NMNAT3: variants seen among roughly 807,000 people sequenced by gnomAD.
The protein encoded by NMNAT3 is nicotinamide nucleotide adenylyltransferase 3, also known as nicotinamide/nicotinic acid mononucleotide adenylyltransferase 3.
In NMNAT3, 21 loss-of-function variants were observed where a neutral mutation model predicts 24.8. The observed-to-expected ratio is 0.85, with a 90% confidence interval of 0.60 to 1.22. The LOEUF (loss-of-function observed/expected upper bound fraction) is 1.22, where lower values mean the gene tolerates loss of function less well. Among genes scored for constraint, NMNAT3 ranks in the 50% most tolerant of loss-of-function variants. The pLI is 0.00. For synonymous variants in NMNAT3, 136 were observed against 155.2 expected (o/e 0.88, Z 0.92); for missense variants, 387 against 436.6 (o/e 0.89, Z 1.01).
intron 1 of NMNAT3, among the ~76,000 whole-genome samples, chr3:139,645,208 GA>G (rs1234724655): frequency 6.6e-6 from 1 of 151,546 alleles, no homozygotes; most frequent in East Asian, 1.9e-4. Flanking sequence ...TCTCAAAAAA[GA>G]AAAAAAGAAA....
chr3:139,657,985 C>T (rs191933600), intron 1 of NMNAT3, among the ~76,000 whole-genome samples: 11 of 152,128 alleles, frequency 7.2e-5, no homozygotes, highest in South Asian at 2.1e-4. Flanking sequence ...GCCCAATCCC[C>T]AAAATGGTAA....
At position 139,575,947 on chromosome 3, in the gene NMNAT3, G is replaced by A; in HGVS notation, c.576-2267C>T. On this transcript the variant is annotated intron_variant, in intron 5 of 6. Coordinates refer to ENST00000643695, the MANE Select transcript of NMNAT3 (RefSeq NM_001320510.2). The stretch of plus-strand genomic sequence containing the variant: ...CAGATGGGAGCTCCACGTCCTATTT[G>A]TGTGTGACCGTGATTAACGTAGCCT... The A allele has an allele frequency of 3.9e-6, 5 of 1,288,852 alleles. No homozygotes were observed. The South Asian group carries it at 4.9e-5, about 13-fold the overall frequency. 79.8% of individuals were successfully genotyped at this position (1,288,852 alleles called of 1,614,324 possible).
At position 139,583,038 on chromosome 3, in the gene NMNAT3, A is replaced by C; in HGVS notation, c.280T>G (p.Phe94Val). 2 of 1,607,824 alleles carry C rather than the reference A, an allele frequency of 1.2e-6. No individual in the cohort carries two copies. Among genetic ancestry groups the C allele is most frequent in the Non-Finnish European group, 1.7e-6 (2 of 1,176,712 alleles). Residue 94 changes from phenylalanine (F) to valine (V), a missense_variant, in exon 4 of 7, where the codon TTC becomes GTC. Phe to Val is a conservative substitution (Grantham distance 50). Around this residue, in one of 3 missense-constraint regions of NMNAT3, gnomAD observed 323 missense variants for 345.2 expected, o/e 0.94. Transcript: ENST00000643695. The stretch of plus-strand genomic sequence containing the variant: ...CACTTGCTGTCATTCAAATCACAGA[A>C]CGCTTGTTCTTCAGTTCTTTTGCGT...
intron 6 of NMNAT3, chr3:139,568,531 G>A (rs1315394215): frequency 6.6e-6 from 1 of 152,116 alleles, no homozygotes; most frequent in East Asian, 1.9e-4. Flanking sequence ...CAGAGATTCT[G>A]GTATGTTGTG....
At chr3:139,646,757 A>T (rs551385418) in intron 1 of NMNAT3, among the ~76,000 whole-genome samples, 2 of 152,332 alleles carry the variant, frequency 1.3e-5, no homozygotes, top group South Asian at 2.1e-4. Flanking sequence ...TGGGAAATGG[A>T]GGTATTAGAC....
At chr3:139,592,099 C>A (rs1382190886) in intron 3 of NMNAT3, among the ~76,000 whole-genome samples, 9 of 152,190 alleles carry the variant, frequency 5.9e-5, no homozygotes, top group East Asian at 1.9e-4. Context: ...TATAACTAGA[C>A]TAACCAATAC....
intron 3 of NMNAT3, among the ~76,000 whole-genome samples, chr3:139,595,580 C>T (rs976743817): frequency 2.6e-5 from 4 of 152,174 alleles, no homozygotes; most frequent in African/African-American, 7.2e-5. Flanking sequence ...GCTACAGTAA[C>T]CAAAACAGCA....
At chr3:139,596,604 T>C (rs943057203) in intron 3 of NMNAT3, among the ~76,000 whole-genome samples, 5 of 152,104 alleles carry the variant, frequency 3.3e-5, no homozygotes, top group African/African-American at 1.2e-4. Flanking sequence ...CAATTACCTT[T>C]TGATATCTCT....
At chr3:139,669,476 CAGAA>C (rs2057689727) in intron 1 of NMNAT3, among the ~76,000 whole-genome samples, 1 of 34,466 alleles carries the variant, frequency 2.9e-5, no homozygotes. Flanking sequence ...GACCCTGTCT[CAGAA>C]AAAAAAAAAA....
chr3:139,605,216 C>T (rs2054890335), intron 3 of NMNAT3, among the ~76,000 whole-genome samples: 5 of 152,194 alleles, frequency 3.3e-5, no homozygotes, highest in Admixed American at 3.3e-4. Flanking sequence ...AGTCCTTCCT[C>T]CTCATCCTTA....
At chr3:139,611,907 CCTGTAATCCCAG>C (rs1263928617) in intron 3 of NMNAT3, among the ~76,000 whole-genome samples, 2 of 152,304 alleles carry the variant, frequency 1.3e-5, no homozygotes, top group Non-Finnish European at 2.9e-5. Flanking sequence ...GTTGCTTACG[CCTGTAATCCCAG>C]CACTTTGTGG....
intron 3 of NMNAT3, among the ~76,000 whole-genome samples, chr3:139,603,701 C>T (rs1402581091): frequency 6.6e-6 from 1 of 152,096 alleles, no homozygotes; most frequent in Non-Finnish European, 1.5e-5. Context: ...ATTGCTATGC[C>T]AATAATCACT....
intron 2 of NMNAT3, among the ~76,000 whole-genome samples, chr3:139,633,637 G>T (rs2056389197): frequency 1.3e-5 from 2 of 152,174 alleles, no homozygotes; most frequent in African/African-American, 2.4e-5. Context: ...AGATGCTGGG[G>T]AAGATAGTGA....
At chr3:139,562,346 A>C (rs1283461507) in intron 6 of NMNAT3, among the ~76,000 whole-genome samples, 1 of 152,172 alleles carries the variant, frequency 6.6e-6, no homozygotes, top group Non-Finnish European at 1.5e-5. Context: ...CTAGAGTTCC[A>C]GACTGATTTT....
intron 1 of NMNAT3, among the ~76,000 whole-genome samples, chr3:139,648,499 C>G (rs1370322443): frequency 6.6e-6 from 1 of 152,196 alleles, no homozygotes; most frequent in Non-Finnish European, 1.5e-5. Context: ...TTAAAGCAAA[C>G]ATGTGAACAG....
chr3:139,628,030 G>T (rs1223466654), intron 2 of NMNAT3, among the ~76,000 whole-genome samples: 1 of 152,158 alleles, frequency 6.6e-6, no homozygotes, highest in Non-Finnish European at 1.5e-5. Flanking sequence ...ACTGGGCCAG[G>T]ACTGGAACCA....
At chr3:139,659,132 A>G (rs2057336817) in intron 1 of NMNAT3, among the ~76,000 whole-genome samples, 2 of 152,196 alleles carry the variant, frequency 1.3e-5, no homozygotes. Context: ...ATGGTGTTCC[A>G]TTATTTGGCT....
At chr3:139,671,205 C>T (rs1320659752) in intron 1 of NMNAT3, among the ~76,000 whole-genome samples, 1 of 152,110 alleles carries the variant, frequency 6.6e-6, no homozygotes, top group African/African-American at 2.4e-5. Context: ...ACTCTTGTCC[C>T]CTTAGAGGGT....
chr3:139,664,318 G>A (rs773582039), intron 1 of NMNAT3, among the ~76,000 whole-genome samples: 8 of 152,082 alleles, frequency 5.3e-5, no homozygotes, highest in South Asian at 2.1e-4. Context: ...CAACACCTTC[G>A]CTTTCAAAAC....
Sources: gnomAD v4.1 joint callset for allele counts (sites outside exome capture counted in the v4.1 genomes callset) on GRCh38, gnomAD v4.1.1 for gene constraint, gnomAD v4.1.1 regional missense constraint, MANE v1.5 for transcripts, NCBI Gene and HGNC (gene_info 2026-07-23, HGNC 2026-07-21) for gene names.